The following CTNNA3 variants were observed in gnomAD, a reference collection of about 807,000 sequenced individuals.
CTNNA3 encodes the protein catenin alpha-3.
A neutral mutation model predicts 95.7 loss-of-function variants in CTNNA3; 76 were observed. The observed-to-expected ratio is 0.79, with a 90% CI of 0.66 to 0.96. CTNNA3 has a LOEUF of 0.96. Ranked by LOEUF, CTNNA3 falls within the 40% of genes least tolerant of loss-of-function variation. The pLI is 0.00. For synonymous variants in CTNNA3, 431 were observed against 374.4 expected (o/e 1.15, Z -1.74); for missense variants, 1,191 against 1,089.8 (o/e 1.09, Z -1.31).
chr10:66,826,150 C>G lies in CTNNA3; in HGVS notation c.1048-50626G>C, dbSNP rs548434506. On this transcript the variant is annotated intron_variant, in intron 7 of 17. Coordinates refer to ENST00000433211, the MANE Select transcript of CTNNA3 (RefSeq NM_013266.4). ...ATGTTTCTTGATGGTGTTGTCAGTT[C>G]TTTTTGATAGACATATGTCAATCTT... 4.0e-4 allele frequency among the ~76,000 whole-genome samples: 61 copies of G among 152,188 alleles called. No individual in the cohort carries two copies. The East Asian group carries it at 0.011, about 28-fold the overall frequency.
chr10:66,045,119 T>C (rs958282649), intron 15 of CTNNA3, among the ~76,000 whole-genome samples: 5 of 152,192 alleles, frequency 3.3e-5, no homozygotes, highest in African/African-American at 1.2e-4. Flanking sequence ...AGAGATAATC[T>C]GATGGGAGGA....
At chr10:67,214,978 C>T (rs1207325923) in intron 6 of CTNNA3, among the ~76,000 whole-genome samples, 1 of 152,028 alleles carries the variant, frequency 6.6e-6, no homozygotes, top group Admixed American at 6.6e-5. Flanking sequence ...ATGGTGACTT[C>T]CATCAGTTCT....
chr10:67,020,816 T>A (rs1359165833), intron 7 of CTNNA3, among the ~76,000 whole-genome samples: 1 of 152,094 alleles, frequency 6.6e-6, no homozygotes, highest in Non-Finnish European at 1.5e-5. Flanking sequence ...GTTTCCTAAT[T>A]AGTAGGGTTG....
intron 13 of CTNNA3, among the ~76,000 whole-genome samples, chr10:66,214,175 G>A (rs764106458): frequency 6.6e-6 from 1 of 152,176 alleles, no homozygotes; most frequent in Non-Finnish European, 1.5e-5. Context: ...CTCTTTGGCT[G>A]TCTTCAGGGT....
intron 10 of CTNNA3, among the ~76,000 whole-genome samples, chr10:66,614,458 T>C (rs950484372): frequency 7.2e-5 from 11 of 152,032 alleles, no homozygotes; most frequent in African/African-American, 2.7e-4. Flanking sequence ...CATGCTAAAA[T>C]ATGAATACAA....
rs59965574 is a variant in CTNNA3 at position 66,993,263 on chromosome 10, A to G, written c.1047+187054T>C. Reference sequence around the variant, plus strand: ...CATGATAGGTGGGATCCAAGAAGAAATATTACAAAAAGCAAAGGCAGAAAT... The same window carrying G: ...CATGATAGGTGGGATCCAAGAAGAAGTATTACAAAAAGCAAAGGCAGAAAT... On this transcript the variant is annotated intron_variant, in intron 7 of 17. Transcript: ENST00000433211. Among the ~76,000 whole-genome samples the G allele has an allele frequency of 3.8e-3, 575 of 152,294 alleles. 30 individuals carry two copies. The East Asian group carries it at 0.09, about 24-fold the overall frequency.
chr10:66,866,555 T>C lies in CTNNA3; in HGVS notation c.1048-91031A>G, dbSNP rs897915860. On this transcript the variant is annotated intron_variant, in intron 7 of 17. Transcript: ENST00000433211. ...ACTGGTTGAATACCTTATTGCAAAA[T>C]TGAGACTTAATATTTGAAACACGTA... Among the ~76,000 whole-genome samples, 73 of 152,176 alleles carry C rather than the reference T, an allele frequency of 4.8e-4. 1 individual carries two copies. Among genetic ancestry groups the C allele is most frequent in the African/African-American group, 1.7e-3 (72 of 41,456 alleles).
chr10:66,105,527 A>C (rs756678679), intron 13 of CTNNA3, among the ~76,000 whole-genome samples: 10 of 152,314 alleles, frequency 6.6e-5, no homozygotes, highest in Non-Finnish European at 1.3e-4. Context: ...TAACTTCATC[A>C]TCCACTCCTA....
At chr10:66,209,996 G>A (rs1343076530) in intron 13 of CTNNA3, among the ~76,000 whole-genome samples, 1 of 152,052 alleles carries the variant, frequency 6.6e-6, no homozygotes, top group African/African-American at 2.4e-5. Flanking sequence ...ACTCTGACTT[G>A]GTGCTCCCTT....
At chr10:66,855,360 A>T (rs1304058562) in intron 7 of CTNNA3, among the ~76,000 whole-genome samples, 1 of 151,976 alleles carries the variant, frequency 6.6e-6, no homozygotes, top group East Asian at 1.9e-4. Context: ...TCTCAAGCAT[A>T]CCCAAAGCTG....
chr10:66,956,645 T>C (rs1589488629), intron 7 of CTNNA3, among the ~76,000 whole-genome samples: 1 of 152,322 alleles, frequency 6.6e-6, no homozygotes, highest in Middle Eastern at 3.4e-3. Context: ...TGAAATTAAT[T>C]CCTCTTATTA....
At chr10:67,762,940 T>G (rs1173594248) in intron 1 of CTNNA3, among the ~76,000 whole-genome samples, 1 of 152,024 alleles carries the variant, frequency 6.6e-6, no homozygotes, top group Non-Finnish European at 1.5e-5. Context: ...CCCCTTAGAG[T>G]TGTAAGCCCT....
chr10:66,093,907 CTCTGTACTAAGTAGTGT>C (rs1480838055), intron 14 of CTNNA3, among the ~76,000 whole-genome samples: 2 of 152,060 alleles, frequency 1.3e-5, no homozygotes, highest in Non-Finnish European at 2.9e-5. Flanking sequence ...TATGAATCTC[CTCTGTACTAAGTAGTGT>C]CCTACGTTCT....
chr10:67,221,176 C>T (rs1455480466), intron 5 of CTNNA3, among the ~76,000 whole-genome samples: 2 of 152,112 alleles, frequency 1.3e-5, no homozygotes, highest in Non-Finnish European at 2.9e-5. Flanking sequence ...CATCAGTATC[C>T]ATTTCTTTGT....
intron 11 of CTNNA3, among the ~76,000 whole-genome samples, chr10:66,439,172 A>T (rs988830673): frequency 9.2e-5 from 14 of 152,118 alleles, no homozygotes; most frequent in African/African-American, 3.4e-4. Flanking sequence ...CACATTTTTA[A>T]TATAATGGTT....
chr10:66,240,566 C>T lies in CTNNA3; in HGVS notation c.1884+39904G>A, dbSNP rs991942233. On this transcript the variant is annotated intron_variant, in intron 13 of 17. Coordinates refer to ENST00000433211, the MANE Select transcript of CTNNA3 (RefSeq NM_013266.4). ...GACTACAAAATTAAAGGAACAGATG[C>T]TCTTTGTTAACCTTTTTTCTAACAA... Among the ~76,000 whole-genome samples the T allele has an allele frequency of 2.3e-4, 35 of 152,180 alleles. 5 individuals carry two copies. Among genetic ancestry groups the T allele is most frequent in the Admixed American group, 1.5e-3 (23 of 15,278 alleles).
chr10:66,329,475 AT>A (rs1307475113), intron 12 of CTNNA3, among the ~76,000 whole-genome samples: 2 of 152,006 alleles, frequency 1.3e-5, no homozygotes, highest in Non-Finnish European at 2.9e-5. Flanking sequence ...AACGCATAAA[AT>A]TAACTGTCAC....
intron 3 of CTNNA3, among the ~76,000 whole-genome samples, chr10:67,544,964 T>A (rs915793865): frequency 1.3e-5 from 2 of 152,132 alleles, no homozygotes; most frequent in Admixed American, 6.5e-5. Flanking sequence ...TGGAAGGACA[T>A]GAGCAGCCAG....
intron 2 of CTNNA3, among the ~76,000 whole-genome samples, chr10:67,626,632 T>G (rs1589504932): frequency 6.6e-6 from 1 of 152,316 alleles, no homozygotes; most frequent in African/African-American, 2.4e-5. Context: ...CTCCCTGTTT[T>G]GGGGTTCTCT....
Sources: allele counts gnomAD v4.1 joint callset (sites outside exome capture counted in the v4.1 genomes callset), GRCh38; gene constraint gnomAD v4.1.1; transcripts MANE v1.5; gene names NCBI Gene and HGNC (gene_info 2026-07-23, HGNC 2026-07-21).